SETBP1: variants seen among roughly 807,000 people sequenced by gnomAD.
SETBP1 encodes the protein SET binding protein 1.
A neutral mutation model predicts 101.0 loss-of-function variants in SETBP1; 9 were observed. The ratio of observed to expected loss-of-function variants is 0.09; its 90% CI spans 0.05 to 0.16. SETBP1 has a LOEUF of 0.16. Ranked by LOEUF, SETBP1 falls within the 10% of genes least tolerant of loss-of-function variation. The pLI, the probability that SETBP1 is intolerant of heterozygous loss-of-function variation, is 1.00. For missense variants in SETBP1, 1,858 were observed against 2,033.8 expected (o/e 0.91, Z 1.66); for synonymous variants, 818 against 788.5 (o/e 1.04, Z -0.63).
At position 44,828,446 on chromosome 18, in the gene SETBP1, T is replaced by C. The variant is rs116769220; in HGVS notation, c.487-40784T>C. 8.6e-3 allele frequency among the ~76,000 whole-genome samples: 1,317 copies of C among 152,358 alleles called. 13 individuals are homozygous for C. The highest frequency in any genetic ancestry group is 0.03 in the African/African-American group (1,231 of 41,584). On this transcript the variant is annotated intron_variant, in intron 2 of 5. Coordinates refer to ENST00000649279, the MANE Select transcript of SETBP1 (RefSeq NM_015559.3). ...AGATACTACTGAACTTGATGTCTCT[T>C]TGAATATGGTGATTTCAGGGGCAGC... is the stretch of plus-strand genomic sequence containing the variant.
intron 2 of SETBP1, among the ~76,000 whole-genome samples, chr18:44,764,901 C>T (rs1410378547): frequency 6.6e-6 from 1 of 152,196 alleles, no homozygotes; most frequent in Non-Finnish European, 1.5e-5. Context: ...AGGGACTTTG[C>T]TCTGCTCACA....
At chr18:44,955,196 C>T (rs1568239629) in intron 4 of SETBP1, among the ~76,000 whole-genome samples, 1 of 152,222 alleles carries the variant, frequency 6.6e-6, no homozygotes, top group South Asian at 2.1e-4. Flanking sequence ...CGTCCAGTCA[C>T]TGTGTGCCCC....
In SETBP1 at chr18:45,063,219, C is replaced by T. The variant is rs2145592952; in HGVS notation, c.4312C>T (p.Arg1438Trp). 1 of 1,613,972 alleles carries T rather than the reference C, an allele frequency of 6.2e-7. No individual in the cohort carries two copies. Among genetic ancestry groups the T allele is most frequent in the Non-Finnish European group, 8.5e-7 (1 of 1,179,970 alleles). The change falls in exon 6 of 6, where the codon CGG (arginine) becomes TGG (tryptophan). Residue 1438 changes from arginine (R) to tryptophan (W), a missense_variant. Around this residue, in one of 12 missense-constraint regions of SETBP1, gnomAD observed 26 missense variants for 56.3 expected, o/e 0.46. Transcript: ENST00000649279. ...DHVNKILKAK[R>W]LQRQSKTGNN... ...CGTGAACAAGATCCTGAAGGCCAAG[C>T]GGCTGCAGAGACAATCAAAAACAGG...
At chr18:44,932,249 G>A (rs950267453) in intron 3 of SETBP1, among the ~76,000 whole-genome samples, 4 of 152,320 alleles carry the variant, frequency 2.6e-5, no homozygotes, top group East Asian at 3.9e-4. Context: ...TTTTCTTTAA[G>A]AATGTTGAAT....
chr18:44,862,825 C>T (rs991578977), intron 2 of SETBP1, among the ~76,000 whole-genome samples: 5 of 152,174 alleles, frequency 3.3e-5, no homozygotes, highest in African/African-American at 4.8e-5. Flanking sequence ...CATCTTTTCT[C>T]CAGCCTTGGG....
At position 44,908,546 on chromosome 18, in the gene SETBP1, G is replaced by C. The variant is rs551931782; in HGVS notation, c.540+39263G>C. On this transcript the variant is annotated intron_variant, in intron 3 of 5. Coordinates refer to ENST00000649279, the MANE Select transcript of SETBP1 (RefSeq NM_015559.3). ...TCTGGACAATCAGTTCTGTTCTATT[G>C]ATTTATATGTCTTTTCTTATGCCAG... 2.5e-4 allele frequency among the ~76,000 whole-genome samples: 38 copies of C among 152,278 alleles called. 3 individuals are homozygous for C. In the South Asian group the frequency reaches 4.6e-3, roughly 18 times the overall value.
intron 3 of SETBP1, chr18:44,871,234 G>A (rs2069267033): frequency 6.6e-6 from 1 of 152,170 alleles, no homozygotes; most frequent in Non-Finnish European, 1.5e-5. Flanking sequence ...GATGTGTCTC[G>A]GGTCAACAGC....
intron 2 of SETBP1, among the ~76,000 whole-genome samples, chr18:44,749,546 A>C (rs190801607): frequency 1.3e-5 from 2 of 152,192 alleles, no homozygotes; most frequent in African/African-American, 2.4e-5. Flanking sequence ...TTTTAGCAAG[A>C]AAGTATGAAG....
At chr18:44,693,575 T>C (rs1443505601) in intron 1 of SETBP1, among the ~76,000 whole-genome samples, 2 of 152,008 alleles carry the variant, frequency 1.3e-5, no homozygotes, top group Admixed American at 6.5e-5. Flanking sequence ...ATGAAGTCAC[T>C]TGTGACTCCC....
In SETBP1 at chr18:44,722,186, A is replaced by G. The variant is rs184340610; in HGVS notation, c.486+20354A>G. 2.2e-3 allele frequency among the ~76,000 whole-genome samples: 340 copies of G among 152,304 alleles called. 1 individual carries two copies. The highest frequency in any genetic ancestry group is 8.0e-3 in the African/African-American group (334 of 41,570). On this transcript the variant is annotated intron_variant, in intron 2 of 5. Transcript: ENST00000649279. ...AGAGCCCAGCATTGGTATGACATTG[A>G]CATAGATGTTTGGGGGGCCTGGATT...
chr18:44,688,793 A>T (rs2068880538), intron 1 of SETBP1, among the ~76,000 whole-genome samples: 1 of 152,160 alleles, frequency 6.6e-6, no homozygotes. Flanking sequence ...AATAGTAGTG[A>T]CTAAAAGGGA....
At chr18:45,058,129 A>T (rs1162488548) in intron 5 of SETBP1, among the ~76,000 whole-genome samples, 1 of 152,354 alleles carries the variant, frequency 6.6e-6, no homozygotes, top group East Asian at 1.9e-4. Flanking sequence ...ATGAATTTGC[A>T]TTTTGCCTGG....
chr18:44,834,144 G>A (rs1383168496), intron 2 of SETBP1, among the ~76,000 whole-genome samples: 1 of 152,168 alleles, frequency 6.6e-6, no homozygotes. Context: ...GAGATAATGG[G>A]TGTGGATCCG....
intron 4 of SETBP1, among the ~76,000 whole-genome samples, chr18:45,010,059 T>C (rs1230962844): frequency 6.6e-6 from 1 of 152,136 alleles, no homozygotes; most frequent in African/African-American, 2.4e-5. Flanking sequence ...AAACCCTGAG[T>C]TATAAAAGCA....
At chr18:44,885,827 A>G (rs903136760) in intron 3 of SETBP1, among the ~76,000 whole-genome samples, 2 of 135,970 alleles carry the variant, frequency 1.5e-5, no homozygotes, top group Non-Finnish European at 3.1e-5. Context: ...GAAGCTTCAC[A>G]TGTGCCCATT....
At chr18:45,058,805 T>C (rs1487808801) in intron 5 of SETBP1, among the ~76,000 whole-genome samples, 1 of 152,204 alleles carries the variant, frequency 6.6e-6, no homozygotes, top group Non-Finnish European at 1.5e-5. Flanking sequence ...TCAATGGAGA[T>C]TGGCTCATGG....
chr18:44,995,532 TGTGTG>T (rs2072478374), intron 4 of SETBP1, among the ~76,000 whole-genome samples: 1 of 72,852 alleles, frequency 1.4e-5, no homozygotes, highest in African/African-American at 4.5e-5. Flanking sequence ...CAGGCTTTTG[TGTGTG>T]TGTGTGTGTG....
At chr18:44,758,371 C>T (rs151018908) in intron 2 of SETBP1, among the ~76,000 whole-genome samples, 149 of 151,744 alleles carry the variant, frequency 9.8e-4, no homozygotes, top group African/African-American at 3.5e-3. Context: ...CCAGAAGTCA[C>T]AGAGCTGAAA....
At chr18:44,738,248 G>A (rs965589299) in intron 2 of SETBP1, among the ~76,000 whole-genome samples, 7 of 152,152 alleles carry the variant, frequency 4.6e-5, no homozygotes, top group Non-Finnish European at 8.8e-5. Context: ...TTTGAAGAAC[G>A]ACATCTACCC....
Sources: allele counts gnomAD v4.1 joint callset (sites outside exome capture counted in the v4.1 genomes callset), GRCh38; gene constraint gnomAD v4.1.1; regional missense constraint gnomAD v4.1.1; transcripts MANE v1.5; gene names NCBI Gene and HGNC (gene_info 2026-07-23, HGNC 2026-07-21).